DIAPH3: variants seen among roughly 807,000 people sequenced by gnomAD.
The protein encoded by DIAPH3 is protein diaphanous homolog 3.
DIAPH3 carries 117 observed loss-of-function variants against 144.3 expected under a neutral mutation model. The ratio of observed to expected loss-of-function variants is 0.81; its 90% CI spans 0.70 to 0.95. DIAPH3 has a LOEUF of 0.95. DIAPH3 is among the 40% of genes least tolerant of loss of function. DIAPH3 has a pLI of 0.00. For synonymous variants in DIAPH3, 519 were observed against 488.9 expected, an observed-to-expected ratio of 1.06 and a Z score of -0.81; for missense variants, 1,421 against 1,412.7, an observed-to-expected ratio of 1.01 and a Z score of -0.09.
intron 27 of DIAPH3, among the ~76,000 whole-genome samples, chr13:59,741,211 A>C (rs1269675519): frequency 6.6e-6 from 1 of 152,188 alleles, no homozygotes; most frequent in Non-Finnish European, 1.5e-5. Context: ...ATACAAAGGG[A>C]AGCTTTTTTC....
At chr13:59,869,168 A>G (rs1210936017) in intron 21 of DIAPH3, among the ~76,000 whole-genome samples, 1 of 152,144 alleles carries the variant, frequency 6.6e-6, no homozygotes, top group Non-Finnish European at 1.5e-5. Context: ...TTGCTTTCCC[A>G]CTAGCAATGA....
chr13:59,808,813 T>C (rs2040320150), intron 25 of DIAPH3, among the ~76,000 whole-genome samples: 1 of 152,192 alleles, frequency 6.6e-6, no homozygotes, highest in South Asian at 2.1e-4. Context: ...ACTAGGATCA[T>C]AGCTACTATT....
chr13:59,839,512 C>A, intron 22 of DIAPH3, 64 bp from the exon 23 acceptor site: 2 of 1,469,884 alleles, frequency 1.4e-6, no homozygotes, highest in Non-Finnish European at 1.8e-6. Context: ...GGTAAGACAC[C>A]CTAGAAACAA....
At chr13:59,925,826 A>G (rs1486737456) in intron 17 of DIAPH3, among the ~76,000 whole-genome samples, 1 of 152,040 alleles carries the variant, frequency 6.6e-6, no homozygotes, top group African/African-American at 2.4e-5. Flanking sequence ...ATTTGTTCAT[A>G]ATTAGACTCT....
chr13:59,720,416 A>T (rs537757232), intron 27 of DIAPH3, among the ~76,000 whole-genome samples: 133 of 152,316 alleles, frequency 8.7e-4, no homozygotes, highest in Non-Finnish European at 1.4e-3. Flanking sequence ...ATTGTTATTA[A>T]ATGAAAATTT....
At chr13:59,896,952 C>T (rs1193165679) in intron 20 of DIAPH3, among the ~76,000 whole-genome samples, 1 of 152,078 alleles carries the variant, frequency 6.6e-6, no homozygotes, top group Non-Finnish European at 1.5e-5. Context: ...TATGTCAACC[C>T]CTATATGGCA....
chr13:59,890,986 T>C (rs181567917), intron 20 of DIAPH3, among the ~76,000 whole-genome samples: 3 of 151,782 alleles, frequency 2.0e-5, no homozygotes, highest in Non-Finnish European at 4.4e-5. Context: ...AGAATATATC[T>C]ACAATAATTT....
intron 11 of DIAPH3, 117 bp downstream of exon 11, chr13:59,991,951 T>C (rs921782155): frequency 4.9e-6 from 4 of 810,726 alleles, no homozygotes; most frequent in Admixed American, 1.9e-5. Flanking sequence ...TTCTGATGCA[T>C]GAAGGTTTGA....
At chr13:59,811,553 G>A (rs894866345) in intron 24 of DIAPH3, among the ~76,000 whole-genome samples, 6 of 151,870 alleles carry the variant, frequency 4.0e-5, no homozygotes, top group Middle Eastern at 3.4e-3. Context: ...CCTGGCTAAC[G>A]TGGTGCAACT....
At chr13:59,817,202 TATATACACTAATC>T (rs957175800) in intron 24 of DIAPH3, among the ~76,000 whole-genome samples, 1 of 151,952 alleles carries the variant, frequency 6.6e-6, no homozygotes, top group Non-Finnish European at 1.5e-5. Flanking sequence ...GTTTGAATTC[TATATACACTAATC>T]AAATCAAGTC....
chr13:59,910,555 C>T (rs1164908713), intron 20 of DIAPH3, among the ~76,000 whole-genome samples: 1 of 151,658 alleles, frequency 6.6e-6, no homozygotes, highest in Non-Finnish European at 1.5e-5. Flanking sequence ...TGGTGAAACC[C>T]CATCTCTATT....
At chr13:59,689,093 G>T (rs2033370359) in intron 27 of DIAPH3, among the ~76,000 whole-genome samples, 1 of 152,054 alleles carries the variant, frequency 6.6e-6, no homozygotes, top group Non-Finnish European at 1.5e-5. Context: ...TGAATCTCTT[G>T]TTATAGAAAG....
At chr13:60,051,683 G>T (rs1594518590) in intron 4 of DIAPH3, among the ~76,000 whole-genome samples, 1 of 152,232 alleles carries the variant, frequency 6.6e-6, no homozygotes, top group East Asian at 1.9e-4. Flanking sequence ...TATACAAGGG[G>T]AGAGACTGAC....
At chr13:59,932,205 C>T (rs2048053970) in intron 17 of DIAPH3, among the ~76,000 whole-genome samples, 1 of 152,066 alleles carries the variant, frequency 6.6e-6, no homozygotes, top group South Asian at 2.1e-4. Flanking sequence ...TTACTTTTCT[C>T]ATCATTATCA....
chr13:59,796,676 C>G (rs577721360), intron 25 of DIAPH3, among the ~76,000 whole-genome samples: 20 of 152,142 alleles, frequency 1.3e-4, no homozygotes, highest in Non-Finnish European at 2.2e-4. Flanking sequence ...TTTTACTGAT[C>G]CATATTGTGG....
chr13:60,001,905 T>TA (rs2052549770), intron 9 of DIAPH3, among the ~76,000 whole-genome samples: 1 of 152,120 alleles, frequency 6.6e-6, no homozygotes, highest in East Asian at 1.9e-4. Context: ...TGGGAAGTGG[T>TA]AAAAAATCTG....
intron 27 of DIAPH3, among the ~76,000 whole-genome samples, chr13:59,770,056 G>A (rs967388268): frequency 5.3e-5 from 8 of 152,066 alleles, no homozygotes; most frequent in African/African-American, 1.9e-4. Flanking sequence ...TAAGAAGTGA[G>A]TAACCAAATC....
At chr13:60,126,455 G>A (rs1216765984) in intron 2 of DIAPH3, among the ~76,000 whole-genome samples, 1 of 152,122 alleles carries the variant, frequency 6.6e-6, no homozygotes, top group African/African-American at 2.4e-5. Flanking sequence ...TTACTGCAAA[G>A]CTTCAAAATA....
intron 27 of DIAPH3, among the ~76,000 whole-genome samples, chr13:59,723,318 G>A (rs2035436281): frequency 6.6e-6 from 1 of 152,144 alleles, no homozygotes; most frequent in African/African-American, 2.4e-5. Context: ...AGTGTGTCCT[G>A]GTAGCTGCAG....
Sources: gnomAD v4.1 joint callset for allele counts (sites outside exome capture counted in the v4.1 genomes callset) on GRCh38, gnomAD v4.1.1 for gene constraint, MANE v1.5 for transcripts, NCBI Gene and HGNC (gene_info 2026-07-23, HGNC 2026-07-21) for gene names.